SAMD11: variants seen among roughly 807,000 people sequenced by gnomAD.
SAMD11 encodes the protein sterile alpha motif domain-containing protein 11.
A neutral mutation model predicts 64.4 loss-of-function variants in SAMD11; 77 were observed. That is an observed-to-expected ratio of 1.20 (90% CI 0.99 to 1.44). The LOEUF is 1.44. Among genes scored for constraint, SAMD11 ranks in the 40% most tolerant of loss-of-function variants. The probability of loss-of-function intolerance (pLI) is 0.00; values close to 1 mark genes in which losing one functional copy is unlikely to be tolerated. For synonymous variants in SAMD11, 658 were observed against 421.9 expected, an observed-to-expected ratio of 1.56 and a Z score of -6.86; for missense variants, 1,402 against 943.3, an observed-to-expected ratio of 1.49 and a Z score of -6.37.
In SAMD11 at chr1:937,870, G is replaced by C. The variant is rs557018036; in HGVS notation, c.968-1170G>C. Among the ~76,000 whole-genome samples, 182 of 152,352 alleles carry C rather than the reference G, an allele frequency of 1.2e-3. 1 individual carries two copies. The highest frequency in any genetic ancestry group is 2.2e-3 in the Non-Finnish European group (149 of 68,034). ...TAATGTGGGATTGATCGGTGTGGCC[G>C]CCGCACTTCCCCAGCCTGATAAAAA... On this transcript the variant is annotated intron_variant, in intron 5 of 13. Coordinates refer to ENST00000616016, the MANE Select transcript of SAMD11 (RefSeq NM_001385641.1).
chr1:930,331 G>A lies in SAMD11; in HGVS notation c.786G>A (p.Lys262=), dbSNP rs773222055. ...ATGGTCCGCACATCCGTATCATGAA[G>A]AGAAGGTACTTGGACCAGGGCCGGA... ...QEDGPHIRIM[K]RRVHTHWDVN... The change falls in exon 3 of 14, where the codon AAG becomes AAA. Residue 262 remains lysine (K), a synonymous_variant. Transcript: ENST00000616016. The A allele has an allele frequency of 1.1e-5, 18 of 1,602,758 alleles. No homozygotes were observed. Among genetic ancestry groups the A allele is most frequent in the Non-Finnish European group, 1.4e-5 (17 of 1,175,010 alleles).
At chr1:941,687 C>T (rs1054218560) in intron 8 of SAMD11, among the ~76,000 whole-genome samples, 3 of 152,038 alleles carry the variant, frequency 2.0e-5, no homozygotes. Context: ...ACAAGGCCTC[C>T]GGCACAGACC....
rs537383204 is a variant in SAMD11 at position 933,690 on chromosome 1, C to T, written c.843-2082C>T. Reference sequence around the variant, plus strand: ...TCATGGAAGGGATGAGTCTCGCTGCCGATTAATCCCATAAAGTACTTACTC... The same window carrying T: ...TCATGGAAGGGATGAGTCTCGCTGCTGATTAATCCCATAAAGTACTTACTC... On this transcript the variant is annotated intron_variant, in intron 4 of 13. Coordinates refer to ENST00000616016, the MANE Select transcript of SAMD11 (RefSeq NM_001385641.1). Among the ~76,000 whole-genome samples, 195 of 152,242 alleles carry T rather than the reference C, an allele frequency of 1.3e-3. 1 individual carries two copies. Among genetic ancestry groups the T allele is most frequent in the African/African-American group, 4.5e-3 (188 of 41,518 alleles).
chr1:925,970 C>T lies in SAMD11; in HGVS notation c.566C>T (p.Pro189Leu), dbSNP rs765648667. ...TCCAAGGGGATCCTGCAGGTGCATC[C>T]TCCGATCTGCGACTGCCCGGGCTGC... ...LMSKGILQVHPPICDCPGCRI... is the reference protein window; with the variant it reads ...LMSKGILQVHLPICDCPGCRI... The change falls in exon 2 of 14, where the codon CCT becomes CTT. Residue 189 changes from proline (P) to leucine (L), a missense_variant. Transcript: ENST00000616016. 2 of 1,612,218 alleles carry T rather than the reference C, an allele frequency of 1.2e-6. No individual in the cohort carries two copies. Among genetic ancestry groups the T allele is most frequent in the South Asian group, 1.1e-5 (1 of 91,088 alleles).
intron 5 of SAMD11, among the ~76,000 whole-genome samples, chr1:936,624 G>A (rs1439244089): frequency 1.3e-5 from 2 of 152,104 alleles, no homozygotes; most frequent in East Asian, 3.9e-4. Flanking sequence ...GGGGCGCCCC[G>A]AGGCCCTGTG....
In SAMD11 at chr1:928,165, G is replaced by A. The variant is rs529836596; in HGVS notation, c.610-1990G>A. ...TCCCAGCACTTTGGGAGGCCGAGGCGGGCGGATCACGAGGTCAGGAGATCG... is the reference window on the plus strand; with the variant it reads ...TCCCAGCACTTTGGGAGGCCGAGGCAGGCGGATCACGAGGTCAGGAGATCG... On this transcript the variant is annotated intron_variant, in intron 2 of 13. Coordinates refer to ENST00000616016, the MANE Select transcript of SAMD11 (RefSeq NM_001385641.1). Among the ~76,000 whole-genome samples the A allele has an allele frequency of 2.2e-4, 33 of 152,288 alleles. No individual in the cohort carries two copies. The South Asian group carries it at 4.1e-3, about 19-fold the overall frequency.
At chr1:925,498 G>A (rs1468628519) in intron 1 of SAMD11, among the ~76,000 whole-genome samples, 3 of 152,122 alleles carry the variant, frequency 2.0e-5, no homozygotes, top group Admixed American at 6.5e-5. Flanking sequence ...GGCGCCGCGG[G>A]GAGTTAAAAA....
Position 944,151 on chromosome 1 carries a change from T to C in SAMD11, c.2533T>C (p.Ter845ArgextTer5), listed in dbSNP as rs1642006669. Reference protein sequence around the residue: ...GAPDPSQPLC* With the variant: ...GAPDPSQPLCR ...CCCCGACCCTTCCCAGCCTCTGTGT[T>C]GAGGTTGCCGGGGGTAGGGGTGGGG... Residue 845 changes from the stop codon to arginine (R), a stop_lost, in exon 14 of 14, where the codon TGA becomes CGA. Coordinates refer to ENST00000616016, the MANE Select transcript of SAMD11 (RefSeq NM_001385641.1). 3 of 1,549,922 alleles carry C rather than the reference T, an allele frequency of 1.9e-6. No individual in the cohort carries two copies. Among genetic ancestry groups the C allele is most frequent in the Non-Finnish European group, 2.6e-6 (3 of 1,146,412 alleles).
In SAMD11 at chr1:941,301, GGA is replaced by G. The variant is rs1557608975; in HGVS notation, c.1357_1358del (p.Arg453GlyfsTer164). 6.3e-7 allele frequency: 1 copy of G among 1,584,896 alleles called. No individual in the cohort carries two copies. Among genetic ancestry groups the G allele is most frequent in the East Asian group, 2.3e-5 (1 of 43,904 alleles). On this transcript the variant is annotated frameshift_variant, in exon 8 of 14. Transcript: ENST00000616016. LOFTEE classifies it high-confidence loss of function. The stretch of plus-strand genomic sequence containing the variant: ...CCCCAGCTGCCGCCCCGTCCTTCTC[GGA>G]GAGGTACTGGGGTGGCTGCCGTTCT... ...AAPAAAPSFS[E>X]RELPQPPPLL...
chr1:942,643 C>T lies in SAMD11; in HGVS notation c.1638C>T (p.Arg546=). The part of the protein sequence containing the change: ...PQLLAPETAL[R]PNDGAEELQR... ...TGCTGGCGCCCGAGACCGCCCTGCGCCCCAACGACGGCGCCGAGGAGCTGC... is the reference window on the plus strand; with the variant it reads ...TGCTGGCGCCCGAGACCGCCCTGCGTCCCAACGACGGCGCCGAGGAGCTGC... Residue 546 remains arginine, a synonymous_variant, in exon 11 of 14, where the codon CGC becomes CGT. Coordinates refer to ENST00000616016, the MANE Select transcript of SAMD11 (RefSeq NM_001385641.1). The T allele has an allele frequency of 2.1e-6, 3 of 1,438,390 alleles. No individual in the cohort carries two copies. Among genetic ancestry groups the T allele is most frequent in the Non-Finnish European group, 2.7e-6 (3 of 1,102,974 alleles). 89.1% of individuals were successfully genotyped at this position (1,438,390 alleles called of 1,614,324 possible). A position where few individuals can be genotyped will look rare whatever the true frequency, so the allele number is the denominator to read the frequency against.
intron 5 of SAMD11, 124 bp from the exon 6 acceptor site, chr1:938,916 T>C: frequency 2.4e-6 from 2 of 840,040 alleles, no homozygotes; most frequent in Non-Finnish European, 4.0e-6. Flanking sequence ...GGGCAAGGCC[T>C]GTACTCACCA....
intron 3 of SAMD11, among the ~76,000 whole-genome samples, chr1:930,618 T>C (rs1381786207): frequency 6.6e-6 from 1 of 152,244 alleles, no homozygotes; most frequent in African/African-American, 2.4e-5. Flanking sequence ...ACGCTCCAGC[T>C]ACCCTTGCTG....
At position 939,280 on chromosome 1, in the gene SAMD11, C is replaced by A. The variant is rs1222633126; in HGVS notation, c.1063C>A (p.Leu355Met). ...RARSESPQEA[L>M]LLPRELGPSM... ...CCCCGGGTCCTCCCCAGCAGAGGCG[C>A]TGCTGCTGCCGCGGGAGCTGGGGCC... Residue 355 changes from leucine to methionine, a missense_variant, in exon 7 of 14, where the codon CTG becomes ATG. Coordinates refer to ENST00000616016, the MANE Select transcript of SAMD11 (RefSeq NM_001385641.1). The A allele has an allele frequency of 6.2e-6, 10 of 1,601,330 alleles. No individual in the cohort carries two copies. Among genetic ancestry groups the A allele is most frequent in the Non-Finnish European group, 8.5e-6 (10 of 1,174,836 alleles).
At chr1:937,961 C>T (rs956900033) in intron 5 of SAMD11, among the ~76,000 whole-genome samples, 7 of 152,164 alleles carry the variant, frequency 4.6e-5, no homozygotes, top group East Asian at 1.9e-4. Flanking sequence ...TGTGGGGGGA[C>T]GGGCTTGGGA....
intron 1 of SAMD11, among the ~76,000 whole-genome samples, chr1:925,462 G>A (rs1557598446): frequency 1.3e-5 from 2 of 151,846 alleles, no homozygotes; most frequent in Non-Finnish European, 2.9e-5. Flanking sequence ...GCCTGAGCCG[G>A]GACACAGGGG....
chr1:941,013 G>A lies in SAMD11; in HGVS notation c.1196-131G>A, dbSNP rs112260347. The A allele has an allele frequency of 5.9e-3, 4,593 of 777,046 alleles. 148 individuals carry two copies. The African/African-American group carries it at 0.075, about 13-fold the overall frequency. The allele number at this position is 777,046 out of a possible 1,614,324, so 48.1% of individuals were successfully genotyped here. A position where few individuals can be genotyped will look rare whatever the true frequency, so the allele number is the denominator to read the frequency against. On this transcript the variant is annotated intron_variant, in intron 7 of 13. Coordinates refer to ENST00000616016, the MANE Select transcript of SAMD11 (RefSeq NM_001385641.1). ...GCCCATCCTCCTGCCCCGTGCCCGA[G>A]ACCAGCCCAGGGGCCGAGCACGGCC...
chr1:939,087 G>C lies in SAMD11; in HGVS notation c.1015G>C (p.Asp339His). ...GGGCCGCTCCCCCCGTATCAGCAGCGACTGCTTTTCAGAGAAGAGGGCACG... is the reference window on the plus strand; with the variant it reads ...GGGCCGCTCCCCCCGTATCAGCAGCCACTGCTTTTCAGAGAAGAGGGCACG... ...RLGRSPRISS[D>H]CFSEKRARSE... Residue 339 changes from aspartate to histidine, a missense_variant, in exon 6 of 14, where the codon GAC (aspartate) becomes CAC (histidine). Asp to His is a moderately conservative substitution (Grantham distance 81). Transcript: ENST00000616016. The C allele has an allele frequency of 6.2e-7, 1 of 1,605,842 alleles. No individual in the cohort carries two copies. The highest frequency in any genetic ancestry group is 1.1e-5 in the South Asian group (1 of 89,194).
Position 924,523 on chromosome 1 carries a change from C to A in SAMD11, c.92C>A (p.Pro31Gln). ...CCGACCCTGGCCGCGCTGCCGCTGC[C>A]GCCGCTGCCAGGCTACCTGGCGCCA... is the stretch of plus-strand genomic sequence containing the variant. ...FHPTLAALPL[P>Q]PLPGYLAPLP... is the part of the protein sequence containing the mutation. The change falls in exon 1 of 14, where the codon CCG (proline) becomes CAG (glutamine). Residue 31 changes from proline to glutamine, a missense_variant. By Grantham distance (76) the Pro-to-Gln change is moderately conservative. Transcript: ENST00000616016. The A allele has an allele frequency of 1.3e-5, 2 of 150,406 alleles. No individual in the cohort carries two copies. Among genetic ancestry groups the A allele is most frequent in the South Asian group, 3.7e-4 (2 of 5,350 alleles). 9.3% of individuals were successfully genotyped at this position (150,406 alleles called of 1,614,324 possible).
At position 943,351 on chromosome 1, in the gene SAMD11, C is replaced by G. The variant is rs145876257; in HGVS notation, c.2152C>G (p.Leu718Val). 2 of 1,588,732 alleles carry G rather than the reference C, an allele frequency of 1.3e-6. No individual in the cohort carries two copies. The highest frequency in any genetic ancestry group is 1.3e-5 in the African/African-American group (1 of 74,242). The change falls in exon 12 of 14, where the codon CTG (leucine) becomes GTG (valine). Residue 718 changes from leucine (L) to valine (V), a missense_variant. By Grantham distance (32) the Leu-to-Val change is conservative (BLOSUM62 1). Coordinates refer to ENST00000616016, the MANE Select transcript of SAMD11 (RefSeq NM_001385641.1). ...TGACGTCTGCAGCTTCGTGGGGGGCCTGTCTGGCTGTGGAGAGTACACTCG... is the reference window on the plus strand; with the variant it reads ...TGACGTCTGCAGCTTCGTGGGGGGCGTGTCTGGCTGTGGAGAGTACACTCG... ...VDDVCSFVGGLSGCGEYTRVF... is the reference protein window; with the variant it reads ...VDDVCSFVGGVSGCGEYTRVF...
Sources: allele counts gnomAD v4.1 joint callset (sites outside exome capture counted in the v4.1 genomes callset), GRCh38; gene constraint gnomAD v4.1.1; transcripts MANE v1.5; gene names NCBI Gene and HGNC (gene_info 2026-07-23, HGNC 2026-07-21).